SHANK2: variants seen among roughly 807,000 people sequenced by gnomAD.
SHANK2 encodes SH3 and multiple ankyrin repeat domains protein 2.
Under a neutral mutation model 133.7 loss-of-function variants are expected in SHANK2, and 43 were observed. The observed-to-expected ratio is 0.32, with a 90% confidence interval of 0.25 to 0.41. The LOEUF is 0.41. SHANK2 is among the 10% of genes least tolerant of loss of function. The pLI is 1.00. For synonymous variants in SHANK2, 1,017 were observed against 952.8 expected, an observed-to-expected ratio of 1.07 and a Z score of -1.24; for missense variants, 1,994 against 2,235.8, an observed-to-expected ratio of 0.89 and a Z score of 2.18.
intron 2 of SHANK2, among the ~76,000 whole-genome samples, chr11:71,218,970 C>T (rs1555120589): frequency 4.6e-5 from 7 of 152,168 alleles, no homozygotes; most frequent in Non-Finnish European, 1.0e-4. Context: ...CTGTGCACCC[C>T]ACAGGTGGTC....
chr11:70,721,540 G>C (rs1292485140), intron 14 of SHANK2, among the ~76,000 whole-genome samples: 3 of 152,218 alleles, frequency 2.0e-5, no homozygotes, highest in Non-Finnish European at 2.9e-5. Flanking sequence ...TCTGAGGCCA[G>C]CTGTGAGTGG....
chr11:70,666,735 C>T (rs1426784949), intron 15 of SHANK2, among the ~76,000 whole-genome samples: 2 of 152,172 alleles, frequency 1.3e-5, no homozygotes, highest in East Asian at 1.9e-4. Context: ...TCTCCAAGCC[C>T]GTCTCACCCC....
At chr11:70,733,639 T>C (rs1420972758) in intron 14 of SHANK2, among the ~76,000 whole-genome samples, 1 of 152,194 alleles carries the variant, frequency 6.6e-6, no homozygotes, top group Non-Finnish European at 1.5e-5. Context: ...CTCCAAAGGC[T>C]AAAATATTTA....
At chr11:71,210,651 C>T (rs1214809234) in intron 2 of SHANK2, among the ~76,000 whole-genome samples, 1 of 152,154 alleles carries the variant, frequency 6.6e-6, no homozygotes, top group Admixed American at 6.5e-5. Flanking sequence ...AGGAAATCCA[C>T]TGCAGCTGGA....
At position 71,070,232 on chromosome 11, in the gene SHANK2, G is replaced by A. The variant is rs1460057748; in HGVS notation, c.1029+4927C>T. ...AGTGAGACACTCCAAAGAGTTTGGG[G>A]AGGGCATGAGGGAGGAGATTAAAGA... On this transcript the variant is annotated intron_variant, in intron 9 of 25. Transcript: ENST00000601538. Among the ~76,000 whole-genome samples the A allele has an allele frequency of 3.3e-5, 5 of 152,208 alleles. No individual in the cohort carries two copies. In the East Asian group the frequency reaches 7.7e-4, roughly 23 times the overall value.
At chr11:70,602,801 A>G (rs2060518323) in intron 17 of SHANK2, among the ~76,000 whole-genome samples, 1 of 152,266 alleles carries the variant, frequency 6.6e-6, no homozygotes, top group South Asian at 2.1e-4. Flanking sequence ...ATAACATTAC[A>G]TTTTACAATA....
intron 14 of SHANK2, among the ~76,000 whole-genome samples, chr11:70,753,077 C>A (rs1591814242): frequency 6.6e-6 from 1 of 151,924 alleles, no homozygotes; most frequent in Non-Finnish European, 1.5e-5. Context: ...CATGCCACTG[C>A]ACTCCAACCT....
At chr11:71,127,161 G>A (rs1206154454) in intron 3 of SHANK2, among the ~76,000 whole-genome samples, 2 of 152,168 alleles carry the variant, frequency 1.3e-5, no homozygotes, top group Non-Finnish European at 1.5e-5. Flanking sequence ...AATTAGAAGT[G>A]GGGCTGACGA....
chr11:71,162,386 C>T (rs35281531), intron 2 of SHANK2, among the ~76,000 whole-genome samples: 2 of 151,234 alleles, frequency 1.3e-5, no homozygotes, highest in East Asian at 2.0e-4. Context: ...CCCATGCTGA[C>T]GACCTTATTT....
At chr11:71,169,754 CAAAAA>C (rs35339054) in intron 2 of SHANK2, among the ~76,000 whole-genome samples, 2 of 90,336 alleles carry the variant, frequency 2.2e-5, no homozygotes, top group African/African-American at 4.3e-5. Context: ...GACTCCATCT[CAAAAA>C]AAAAAAAAAA....
chr11:70,736,623 G>A (rs554751146), intron 14 of SHANK2, among the ~76,000 whole-genome samples: 107 of 152,294 alleles, frequency 7.0e-4, no homozygotes, highest in South Asian at 4.4e-3. Flanking sequence ...GAGGGAGCAC[G>A]GCCCTGCTGC....
At chr11:70,943,865 T>C (rs1438333399) in intron 10 of SHANK2, 3 of 454,962 alleles carry the variant, frequency 6.6e-6, no homozygotes, top group Non-Finnish European at 1.3e-5. Context: ...ACAGTGCTTT[T>C]TCAGGTGCTT....
At chr11:71,132,177 A>G (rs1411466138) in intron 3 of SHANK2, among the ~76,000 whole-genome samples, 3 of 152,166 alleles carry the variant, frequency 2.0e-5, no homozygotes, top group Non-Finnish European at 4.4e-5. Context: ...GCAGCGAGGG[A>G]AGGGTGGAGG....
intron 8 of SHANK2, among the ~76,000 whole-genome samples, chr11:71,080,795 C>T (rs1050965550): frequency 5.8e-4 from 89 of 152,348 alleles, no homozygotes; most frequent in African/African-American, 1.8e-3. Context: ...GAGCCACCAG[C>T]TGCTCCGTGG....
At chr11:70,834,110 G>C (rs528900223) in intron 11 of SHANK2, among the ~76,000 whole-genome samples, 60 of 152,366 alleles carry the variant, frequency 3.9e-4, no homozygotes, top group African/African-American at 1.4e-3. Context: ...AAAATTCCCA[G>C]GGTTCTGGGG....
At chr11:71,166,633 C>T (rs779335789) in intron 2 of SHANK2, among the ~76,000 whole-genome samples, 1 of 151,944 alleles carries the variant, frequency 6.6e-6, no homozygotes, top group Non-Finnish European at 1.5e-5. Flanking sequence ...AGGCTCCTGC[C>T]ACCACACCCG....
At chr11:70,491,701 A>G (rs2058889045) in intron 22 of SHANK2, among the ~76,000 whole-genome samples, 1 of 152,200 alleles carries the variant, frequency 6.6e-6, no homozygotes, top group African/African-American at 2.4e-5. Flanking sequence ...TGGAGAAGCA[A>G]TCCAAGGGTC....
chr11:70,568,646 G>GCCCCCCCCCCCCCCCCCCCCCCC (rs66982078), intron 17 of SHANK2, among the ~76,000 whole-genome samples: 10 of 79,964 alleles, frequency 1.3e-4, no homozygotes, highest in East Asian at 3.2e-4. Flanking sequence ...GCGGATTCCT[G>GCCCCCCCCCCCCCCCCCCCCCCC]CCCCCCCCGC....
intron 11 of SHANK2, among the ~76,000 whole-genome samples, chr11:70,829,740 C>T (rs1948699459): frequency 6.6e-6 from 1 of 152,192 alleles, no homozygotes; most frequent in South Asian, 2.1e-4. Flanking sequence ...TTTTCCCGCC[C>T]ACACTCGGAG....
Sources: gnomAD v4.1 joint callset for allele counts (sites outside exome capture counted in the v4.1 genomes callset) on GRCh38, gnomAD v4.1.1 for gene constraint, MANE v1.5 for transcripts, NCBI Gene and HGNC (gene_info 2026-07-23, HGNC 2026-07-21) for gene names.